Variants in DYRK1A observed in about 807,000 individuals in gnomAD.
The protein encoded by DYRK1A is dual specificity tyrosine-phosphorylation-regulated kinase 1A.
Under a neutral mutation model 79.7 loss-of-function variants are expected in DYRK1A, and 9 were observed. The observed-to-expected ratio is 0.11, with a 90% confidence interval of 0.07 to 0.20. DYRK1A has a LOEUF of 0.20. Among genes scored for constraint, DYRK1A ranks in the 10% least tolerant of loss-of-function variants. The probability of loss-of-function intolerance (pLI) is 1.00; values close to 1 mark genes in which losing one functional copy is unlikely to be tolerated. For missense variants in DYRK1A, 622 were observed against 956.0 expected (o/e 0.65, Z 4.61); for synonymous variants, 349 against 329.7 (o/e 1.06, Z -0.63).
intron 1 of DYRK1A, among the ~76,000 whole-genome samples, chr21:37,405,037 GA>G (rs1261503466): frequency 1.3e-5 from 2 of 152,162 alleles, no homozygotes; most frequent in Non-Finnish European, 2.9e-5. Flanking sequence ...ATCTAAGGAT[GA>G]AAAAACAAGC....
intron 6 of DYRK1A, chr21:37,488,788 A>G: frequency 1.0e-6 from 1 of 985,388 alleles, no homozygotes; most frequent in Non-Finnish European, 1.2e-6. Context: ...TTCTGACAGC[A>G]GTTACTTTTT....
chr21:37,391,991 G>A (rs1008806727), intron 1 of DYRK1A, among the ~76,000 whole-genome samples: 1 of 152,304 alleles, frequency 6.6e-6, no homozygotes, highest in South Asian at 2.1e-4. Flanking sequence ...TCCAAATACT[G>A]TCATTTAACC....
chr21:37,476,323 A>G (rs2052391152), intron 3 of DYRK1A, among the ~76,000 whole-genome samples: 1 of 152,238 alleles, frequency 6.6e-6, no homozygotes, highest in South Asian at 2.1e-4. Flanking sequence ...TTGTAAAAAT[A>G]TGCATGCTAA....
At chr21:37,480,557 G>C (rs760383881) in intron 4 of DYRK1A, 81 bp from the exon 5 acceptor site, 1 of 1,075,690 alleles carries the variant, frequency 9.3e-7, no homozygotes, top group Non-Finnish European at 1.3e-6. Flanking sequence ...TAGAAAATAG[G>C]TGTGTGTCAA....
Position 37,519,247 on chromosome 21 carries a change from C to T in DYRK1A, c.*6716C>T, listed in dbSNP as rs1001101638. 3.3e-5 allele frequency: 5 copies of T among 152,316 alleles called. No homozygotes were observed. The highest frequency in any genetic ancestry group is 7.3e-5 in the Non-Finnish European group (5 of 68,058). The allele number at this position is 152,316 out of a possible 1,614,324, so 9.4% of individuals were successfully genotyped here. On this transcript the variant is annotated 3_prime_UTR_variant, in exon 12 of 12. Transcript: ENST00000647188. ...AGCCGGTGAAGGGTTTCCCAGGGCA[C>T]CAGCCACCAGCTCTGTATAGTAGTT...
chr21:37,495,724 C>T (rs940591058), intron 8 of DYRK1A, among the ~76,000 whole-genome samples: 1 of 151,972 alleles, frequency 6.6e-6, no homozygotes, highest in African/African-American at 2.4e-5. Flanking sequence ...GGGAGGAGGT[C>T]AAGGCTGCAG....
chr21:37,411,750 G>A (rs1252693833), intron 1 of DYRK1A, among the ~76,000 whole-genome samples: 1 of 152,152 alleles, frequency 6.6e-6, no homozygotes, highest in Non-Finnish European at 1.5e-5. Flanking sequence ...AGAAAATTTA[G>A]AGAATACAGA....
chr21:37,390,550 C>T (rs2049850827), intron 1 of DYRK1A, among the ~76,000 whole-genome samples: 1 of 152,142 alleles, frequency 6.6e-6, no homozygotes, highest in African/African-American at 2.4e-5. Flanking sequence ...TGCCTAGGAT[C>T]ATTTACACAT....
chr21:37,420,827 G>C (rs998026679), intron 2 of DYRK1A, among the ~76,000 whole-genome samples: 1 of 152,026 alleles, frequency 6.6e-6, no homozygotes, highest in Non-Finnish European at 1.5e-5. Context: ...AAAAAGATAT[G>C]CTCTGGGATT....
chr21:37,498,247 A>G (rs372027025), intron 9 of DYRK1A, among the ~76,000 whole-genome samples: 1 of 152,206 alleles, frequency 6.6e-6, no homozygotes, highest in Non-Finnish European at 1.5e-5. Context: ...TACAGTTTAT[A>G]TAAGATACAT....
chr21:37,455,544 G>C (rs897672819), intron 2 of DYRK1A, among the ~76,000 whole-genome samples: 5 of 152,082 alleles, frequency 3.3e-5, no homozygotes, highest in East Asian at 1.9e-4. Context: ...CTTGAATCCA[G>C]CTGTCTCTTA....
intron 2 of DYRK1A, among the ~76,000 whole-genome samples, chr21:37,440,150 T>TTTTTTTTTTTTTTTTTTTTTTTTTA: frequency 7.6e-6 from 1 of 131,704 alleles, no homozygotes; most frequent in Non-Finnish European, 1.6e-5. Context: ...TTTTTTTTTT[T>TTTTTTTTTTTTTTTTTTTTTTTTTA]TTTGAGACGG....
intron 6 of DYRK1A, chr21:37,488,039 T>C (rs2052936224): frequency 6.6e-6 from 1 of 152,200 alleles, no homozygotes; most frequent in Admixed American, 6.5e-5. Context: ...GAAAAAATAC[T>C]GGTAGCATTA....
intron 5 of DYRK1A, among the ~76,000 whole-genome samples, chr21:37,485,231 G>C (rs539955684): frequency 6.6e-6 from 1 of 152,136 alleles, no homozygotes; most frequent in Admixed American, 6.5e-5. Flanking sequence ...GCCCACATGA[G>C]TGTCCTTTAT....
intron 4 of DYRK1A, among the ~76,000 whole-genome samples, chr21:37,479,620 T>TTTTTG (rs1491544962): frequency 1.3e-5 from 1 of 77,682 alleles, no homozygotes; most frequent in East Asian, 3.8e-4. Flanking sequence ...TTGTTTTTTG[T>TTTTTG]TTTTTTTTTT....
intron 5 of DYRK1A, among the ~76,000 whole-genome samples, chr21:37,485,976 A>G (rs1163345584): frequency 6.6e-6 from 1 of 152,108 alleles, no homozygotes. Context: ...GTTTTTATGT[A>G]TGAAAATCTA....
At chr21:37,444,286 A>G (rs1428409733) in intron 2 of DYRK1A, among the ~76,000 whole-genome samples, 1 of 152,216 alleles carries the variant, frequency 6.6e-6, no homozygotes, top group Middle Eastern at 3.2e-3. Flanking sequence ...GATTACCCGA[A>G]TTGAATACGT....
chr21:37,386,556 C>T (rs965926498), intron 1 of DYRK1A, among the ~76,000 whole-genome samples: 3 of 152,186 alleles, frequency 2.0e-5, no homozygotes, highest in African/African-American at 7.2e-5. Context: ...ATCACTTTTT[C>T]CTCAGTTCTT....
chr21:37,392,030 A>G (rs965454313), intron 1 of DYRK1A, among the ~76,000 whole-genome samples: 1 of 152,252 alleles, frequency 6.6e-6, no homozygotes, highest in Non-Finnish European at 1.5e-5. Flanking sequence ...GCCATTATCC[A>G]TCTTTCATAA....
Sources: gnomAD v4.1 joint callset for allele counts (sites outside exome capture counted in the v4.1 genomes callset) on GRCh38, gnomAD v4.1.1 for gene constraint, MANE v1.5 for transcripts, NCBI Gene and HGNC (gene_info 2026-07-23, HGNC 2026-07-21) for gene names.